The following CFAP20DC variants were observed in gnomAD, a reference collection of about 807,000 sequenced individuals.
The protein encoded by CFAP20DC is protein CFAP20DC.
In CFAP20DC, 84 loss-of-function variants were observed where a neutral mutation model predicts 101.7. The observed-to-expected ratio is 0.83, with a 90% CI of 0.69 to 0.99. The LOEUF (loss-of-function observed/expected upper bound fraction) is 0.99. Among genes scored for constraint, CFAP20DC ranks in the 50% least tolerant of loss-of-function variants. The pLI is 0.00. For missense variants in CFAP20DC, 1,007 were observed against 970.3 expected (o/e 1.04, Z -0.50); for synonymous variants, 359 against 351.2 (o/e 1.02, Z -0.25).
intron 12 of CFAP20DC, 34 bp from the exon 13 acceptor site, chr3:58,849,443 G>A: frequency 1.4e-6 from 2 of 1,460,754 alleles, no homozygotes; most frequent in Non-Finnish European, 1.8e-6. Flanking sequence ...ATAATTTTGA[G>A]CAGAAATTTG....
At chr3:59,043,910 T>C (rs187059562) in intron 3 of CFAP20DC, among the ~76,000 whole-genome samples, 7 of 152,248 alleles carry the variant, frequency 4.6e-5, no homozygotes, top group African/African-American at 9.6e-5. Flanking sequence ...AACAAACTTA[T>C]TGAACACCAA....
At chr3:58,950,315 T>C (rs1163839090) in intron 4 of CFAP20DC, among the ~76,000 whole-genome samples, 8 of 152,188 alleles carry the variant, frequency 5.3e-5, no homozygotes, top group South Asian at 4.2e-4. Context: ...GAATCAATAT[T>C]GTGAAAATGG....
At chr3:58,779,109 C>T (rs2071601802) in intron 15 of CFAP20DC, among the ~76,000 whole-genome samples, 1 of 152,102 alleles carries the variant, frequency 6.6e-6, no homozygotes, top group Admixed American at 6.5e-5. Flanking sequence ...TATTCAGCAA[C>T]AGATCCCAAT....
rs2073171376 is a variant in CFAP20DC at position 58,795,466 on chromosome 3, C to A, written c.2237+10929G>T. ...ACCAGCTTGGGCAACAGGGCAAGAC[C>A]CCATTTCTACAAAAAAATCAGCTTG... On this transcript the variant is annotated intron_variant, in intron 15 of 16. Coordinates refer to ENST00000482387, the MANE Select transcript of CFAP20DC (RefSeq NM_001394063.1). The surrounding 1 kb of genome is among the most constrained non-coding windows in gnomAD (Gnocchi z 4.2). 6.6e-6 allele frequency among the ~76,000 whole-genome samples: 1 copy of A among 152,078 alleles called. No individual in the cohort carries two copies. Among genetic ancestry groups the A allele is most frequent in the Admixed American group, 6.5e-5 (1 of 15,286 alleles).
At chr3:58,988,150 A>G (rs995123620) in intron 4 of CFAP20DC, among the ~76,000 whole-genome samples, 4 of 152,140 alleles carry the variant, frequency 2.6e-5, no homozygotes, top group Non-Finnish European at 5.9e-5. Context: ...AAATATGAGA[A>G]TATCTGTAAT....
At position 59,002,965 on chromosome 3, in the gene CFAP20DC, A is replaced by T. The variant is rs1451355910; in HGVS notation, c.278+36592T>A. ...TACTGACAGAGCTATAATGCATCCAAGATTTCTGACTGAATATCCAATGTT... is the reference window on the plus strand; with the variant it reads ...TACTGACAGAGCTATAATGCATCCATGATTTCTGACTGAATATCCAATGTT... On this transcript the variant is annotated intron_variant, in intron 4 of 16. Coordinates refer to ENST00000482387, the MANE Select transcript of CFAP20DC (RefSeq NM_001394063.1). The surrounding 1 kb of genome is among the most constrained non-coding windows in gnomAD (Gnocchi z 4.5). 1.3e-5 allele frequency among the ~76,000 whole-genome samples: 2 copies of T among 152,224 alleles called. No homozygotes were observed. Among genetic ancestry groups the T allele is most frequent in the African/African-American group, 4.8e-5 (2 of 41,460 alleles).
intron 6 of CFAP20DC, among the ~76,000 whole-genome samples, chr3:58,889,377 G>A (rs1208989635): frequency 6.6e-6 from 1 of 152,162 alleles, no homozygotes; most frequent in Non-Finnish European, 1.5e-5. Flanking sequence ...AGCTTGGAAA[G>A]CTGGAATCTG....
downstream of CFAP20DC, chr3:58,717,319 G>A (rs897145558): frequency 4.3e-5 from 9 of 207,442 alleles, no homozygotes; most frequent in African/African-American, 2.1e-4. The surrounding 1 kb of genome is among the most constrained non-coding windows in gnomAD (Gnocchi z 4.1). Flanking sequence ...ATACTACCCT[G>A]GTCTGCCGTC....
intron 4 of CFAP20DC, among the ~76,000 whole-genome samples, chr3:58,966,493 C>T (rs1449625950): frequency 1.7e-5 from 2 of 114,888 alleles, no homozygotes; most frequent in African/African-American, 5.5e-5. Flanking sequence ...TATATATACA[C>T]ATATGTGTGT....
intron 15 of CFAP20DC, among the ~76,000 whole-genome samples, chr3:58,791,803 T>C (rs2072880303): frequency 6.6e-6 from 1 of 152,230 alleles, no homozygotes; most frequent in Admixed American, 6.5e-5. Flanking sequence ...TCATCTTGAA[T>C]GTTTCTGGTC....
In CFAP20DC at chr3:58,832,476, A is replaced by T. The variant is rs187311886; in HGVS notation, c.1972-587T>A. Among the ~76,000 whole-genome samples the T allele has an allele frequency of 4.5e-3, 686 of 151,908 alleles. 3 individuals carry two copies. Among genetic ancestry groups the T allele is most frequent in the African/African-American group, 0.016 (656 of 41,438 alleles). On this transcript the variant is annotated intron_variant, in intron 13 of 16. Transcript: ENST00000482387. The stretch of plus-strand genomic sequence containing the variant: ...AAAAACTCAAAGTAGTTTTTTTTTT[A>T]AATTTGCCATTTAAAAAAGCACAGC...
intron 14 of CFAP20DC, among the ~76,000 whole-genome samples, chr3:58,813,497 T>C (rs1040753612): frequency 1.3e-5 from 2 of 151,904 alleles, no homozygotes; most frequent in African/African-American, 4.9e-5. Flanking sequence ...GTGGGGTTGG[T>C]GTTAAGGGTT....
intron 12 of CFAP20DC, among the ~76,000 whole-genome samples, chr3:58,858,186 T>G (rs1390578841): frequency 6.6e-6 from 1 of 152,212 alleles, no homozygotes; most frequent in Non-Finnish European, 1.5e-5. Context: ...GCTTTTGATT[T>G]AACTTAATAT....
rs541818692 is a variant in CFAP20DC at position 58,721,470 on chromosome 3, G to A, written c.198-3842C>T. Reference sequence around the variant, plus strand: ...TGACCTAATGAAGAAGGTCAGGGAAGTTTTCCACAAAGAAGCGATATTTAA... The same window carrying A: ...TGACCTAATGAAGAAGGTCAGGGAAATTTTCCACAAAGAAGCGATATTTAA... On this transcript the variant is annotated intron_variant, in intron 3 of 3. Coordinates refer to the CFAP20DC transcript ENST00000486145. This position sits in a 1 kb window ranked among gnomAD's most constrained non-coding sequence, Gnocchi z 5.2. Among the ~76,000 whole-genome samples, 166 of 152,276 alleles carry A rather than the reference G, an allele frequency of 1.1e-3. No homozygotes were observed. The highest frequency in any genetic ancestry group is 3.8e-3 in the African/African-American group (156 of 41,532).
At chr3:58,962,471 GA>G (rs928996667) in intron 4 of CFAP20DC, among the ~76,000 whole-genome samples, 68 of 152,296 alleles carry the variant, frequency 4.5e-4, no homozygotes, top group African/African-American at 1.5e-3. Context: ...CATGTGCACT[GA>G]AAGAGAATCT....
chr3:58,976,704 T>C (rs2092294602), intron 4 of CFAP20DC, among the ~76,000 whole-genome samples: 1 of 152,178 alleles, frequency 6.6e-6, no homozygotes, highest in Non-Finnish European at 1.5e-5. Context: ...GTGGAGTCCA[T>C]ACATTCTCCC....
At chr3:59,026,860 A>T (rs1394254295) in intron 4 of CFAP20DC, among the ~76,000 whole-genome samples, 1 of 152,222 alleles carries the variant, frequency 6.6e-6, no homozygotes, top group Non-Finnish European at 1.5e-5. Flanking sequence ...ACTTTCATTA[A>T]ATTGGCTTGA....
At chr3:58,997,842 A>C (rs2093183639) in intron 4 of CFAP20DC, among the ~76,000 whole-genome samples, 1 of 152,214 alleles carries the variant, frequency 6.6e-6, no homozygotes, top group South Asian at 2.1e-4. Flanking sequence ...TCTCGATAGC[A>C]ATGTACAGAC....
At chr3:58,782,654 A>G (rs2071946409) in intron 15 of CFAP20DC, among the ~76,000 whole-genome samples, 3 of 151,972 alleles carry the variant, frequency 2.0e-5, no homozygotes, top group Admixed American at 6.6e-5. Flanking sequence ...AGAAATAAGA[A>G]AGCAATTCCA....
Sources: allele counts gnomAD v4.1 joint callset (sites outside exome capture counted in the v4.1 genomes callset), GRCh38; gene constraint gnomAD v4.1.1; non-coding constraint Gnocchi (gnomAD v3.1); transcripts MANE v1.5; gene names NCBI Gene and HGNC (gene_info 2026-07-23, HGNC 2026-07-21).